The following TTN variants were observed in gnomAD, a reference collection of about 807,000 sequenced individuals.
TTN encodes titin, also known as connectin.
Under a neutral mutation model 3,223.0 loss-of-function variants are expected in TTN, and 1,525 were observed. The observed-to-expected ratio is 0.47, with a 90% confidence interval of 0.45 to 0.49. The LOEUF (loss-of-function observed/expected upper bound fraction) is 0.49. Ranked by LOEUF, TTN falls within the 20% of genes least tolerant of loss-of-function variation. The pLI is 0.00. For missense variants in TTN, 40,786 were observed against 43,424.0 expected (o/e 0.94, Z 5.40); for synonymous variants, 14,094 against 15,161.0 (o/e 0.93, Z 5.17).
At chr2:178,556,455 C>CAAACAAAA (rs1701512145) in intron 330 of TTN, 1 of 182,760 alleles carries the variant, frequency 5.5e-6, no homozygotes, top group African/African-American at 2.5e-5. Flanking sequence ...AACAAACAAA[C>CAAACAAAA]AAAAAAAAAA....
Position 178,770,498 on chromosome 2 carries a change from C to A in TTN, c.8294G>T (p.Arg2765Met). Residue 2765 changes from arginine to methionine, a missense_variant, in exon 35 of 363, where the codon AGG (arginine) becomes ATG (methionine). By Grantham distance (91) the Arg-to-Met change is moderately conservative. Transcript: ENST00000589042. Reference protein sequence around the residue: ...ISVKGTIYSLRIKNCAIVDES... With the variant: ...ISVKGTIYSLMIKNCAIVDES... Reference sequence around the variant, plus strand: ...ATCCACGATGGCACAGTTTTTAATCCTCAGAGAGTAAATTGTTCCTTTGAC... The same window carrying A: ...ATCCACGATGGCACAGTTTTTAATCATCAGAGAGTAAATTGTTCCTTTGAC... 6.2e-7 allele frequency: 1 copy of A among 1,614,028 alleles called. No homozygotes were observed. Among genetic ancestry groups the A allele is most frequent in the East Asian group, 2.2e-5 (1 of 44,884 alleles).
Position 178,609,255 on chromosome 2 carries a change from T to G in TTN, c.52055A>C (p.Glu17352Ala), listed in dbSNP as rs1187111699. The part of the protein sequence containing the change: ...PDHGLYMIKV[E>A]NDHGIAKAPC... ...AGCTTTTGCAATACCGTGGTCATTT[T>G]CAACTTTGATCATATACAGACCATG... Residue 17352 changes from glutamate (E) to alanine (A), a missense_variant, in exon 273 of 363, where the codon GAA (glutamate) becomes GCA (alanine). Coordinates refer to ENST00000589042, the MANE Select transcript of TTN (RefSeq NM_001267550.2). 2.6e-6 allele frequency: 4 copies of G among 1,537,170 alleles called. No homozygotes were observed. Among genetic ancestry groups the G allele is most frequent in the Non-Finnish European group, 3.5e-6 (4 of 1,146,460 alleles).
Position 178,573,184 on chromosome 2 carries a change from C to T in TTN, c.72948G>A (p.Lys24316=), listed in dbSNP as rs369000566. The T allele has an allele frequency of 1.3e-5, 21 of 1,610,446 alleles. No individual in the cohort carries two copies. Among genetic ancestry groups the T allele is most frequent in the Non-Finnish European group, 1.8e-5 (21 of 1,177,950 alleles). Residue 24316 remains lysine (K), a synonymous_variant, in exon 326 of 363, where the codon AAG becomes AAA. Coordinates refer to ENST00000589042, the MANE Select transcript of TTN (RefSeq NM_001267550.2). ...SAPSPTSPFY[K]ACDTVFKPGP... is the part of the protein sequence containing the mutation. ...CAGGTTTAAACACAGTGTCACAAGC[C>T]TTGTAAAATGGACTGGTAGGACTTG... is the stretch of plus-strand genomic sequence containing the variant.
chr2:178,679,096 A>G (rs1453004910), intron 142 of TTN, among the ~76,000 whole-genome samples: 1 of 152,056 alleles, frequency 6.6e-6, no homozygotes, highest in Non-Finnish European at 1.5e-5. Flanking sequence ...TGCAAAAGGA[A>G]TGTATTTTAC....
At chr2:178,593,114 A>C in intron 299 of TTN, 31 bp from the exon 300 acceptor site, 1 of 1,610,994 alleles carries the variant, frequency 6.2e-7, no homozygotes, top group Middle Eastern at 1.7e-4. Context: ...ACGAATTAGC[A>C]TATAGCTGAA....
intron 47 of TTN, chr2:178,745,115 G>A (rs1246639939): frequency 1.0e-6 from 1 of 988,942 alleles, no homozygotes; most frequent in Non-Finnish European, 1.2e-6. Context: ...ACATGAGTTT[G>A]GATGCAAAGG....
At chr2:178,630,392 T>A in intron 238 of TTN, 25 bp from the exon 239 acceptor site, 1 of 1,575,946 alleles carries the variant, frequency 6.3e-7, no homozygotes, top group East Asian at 2.3e-5. Context: ...CAGAAAAACT[T>A]TCATAGAAAA....
At chr2:178,653,211 C>T (rs965911149) in intron 198 of TTN, 27 bp downstream of exon 198, 17 of 1,611,328 alleles carry the variant, frequency 1.1e-5, no homozygotes, top group Admixed American at 8.4e-5. Flanking sequence ...ATTAGATCAT[C>T]TGAAGCCTAA....
rs945747944 is a variant in TTN, at chr2:178,532,088, G to A, written c.104527C>T (p.Leu34843=). The change falls in exon 358 of 363, where the codon CTG becomes TTG. Residue 34843 remains leucine (L), a synonymous_variant. Transcript: ENST00000589042. Reference sequence around the variant, plus strand: ...ATTAACTCAATATAAGTTGGAGACAGGGAGCGCCGTCGTCTCAGTAGTCTA... The same window carrying A: ...ATTAACTCAATATAAGTTGGAGACAAGGAGCGCCGTCGTCTCAGTAGTCTA... ...ASRLLRRRRS[L]SPTYIELMRP... 7.4e-6 allele frequency: 12 copies of A among 1,613,818 alleles called. No homozygotes were observed. Among genetic ancestry groups the A allele is most frequent in the Non-Finnish European group, 9.3e-6 (11 of 1,179,870 alleles).
intron 49 of TTN, among the ~76,000 whole-genome samples, chr2:178,737,752 A>T (rs1231519317): frequency 1.3e-5 from 2 of 152,118 alleles, no homozygotes; most frequent in Admixed American, 1.3e-4. Flanking sequence ...TTGATTTAAA[A>T]TTTTTAAATA....
At position 178,642,240 on chromosome 2, in the gene TTN, T is replaced by C; in HGVS notation, c.40555A>G (p.Ser13519Gly). Reference sequence around the variant, plus strand: ...GAATGGTTGAAAAATACTATACCGCTTTTCAGAACAACTTCTTCCTTTGGT... The same window carrying C: ...GAATGGTTGAAAAATACTATACCGCCTTTCAGAACAACTTCTTCCTTTGGT... ...PEPKEEVVLK[S>G]VLRKRPEEEE... Residue 13519 changes from serine (S) to glycine (G), a missense_variant, in exon 219 of 363, where the codon AGC (serine) becomes GGC (glycine). Coordinates refer to ENST00000589042, the MANE Select transcript of TTN (RefSeq NM_001267550.2). 1 of 1,583,590 alleles carries C rather than the reference T, an allele frequency of 6.3e-7. No individual in the cohort carries two copies. Among genetic ancestry groups the C allele is most frequent in the Non-Finnish European group, 8.6e-7 (1 of 1,163,396 alleles).
At position 178,718,411 on chromosome 2, in the gene TTN, T is replaced by C; in HGVS notation, c.24695A>G (p.Glu8232Gly). The change falls in exon 85 of 363, where the codon GAG (glutamate) becomes GGG (glycine). Residue 8232 changes from glutamate (E) to glycine (G), a missense_variant. By Grantham distance (98) the Glu-to-Gly change is moderately conservative. Coordinates refer to ENST00000589042, the MANE Select transcript of TTN (RefSeq NM_001267550.2). ...TEKSTILEIL[E>G]STIEDYAQYS... Reference sequence around the variant, plus strand: ...CTGTGCATAATCCTCTATTGTGCTCTCAAGAATTTCCAGTATGGTAGATTT... The same window carrying C: ...CTGTGCATAATCCTCTATTGTGCTCCCAAGAATTTCCAGTATGGTAGATTT... 4 of 1,613,834 alleles carry C rather than the reference T, an allele frequency of 2.5e-6. No homozygotes were observed. The highest frequency in any genetic ancestry group is 1.7e-4 in the Middle Eastern group (1 of 6,056).
At position 178,531,121 on chromosome 2, in the gene TTN, T is replaced by G; in HGVS notation, c.105494A>C (p.Lys35165Thr). The G allele has an allele frequency of 6.2e-7, 1 of 1,613,936 alleles. No individual in the cohort carries two copies. The highest frequency in any genetic ancestry group is 1.1e-5 in the South Asian group (1 of 91,072). Residue 35165 changes from lysine to threonine, a missense_variant, in exon 358 of 363, where the codon AAA (lysine) becomes ACA (threonine). Lys to Thr is a moderately conservative substitution (Grantham distance 78). Coordinates refer to ENST00000589042, the MANE Select transcript of TTN (RefSeq NM_001267550.2). ...EPVPTVTWLR[K>T]GQVLSTSARH... ...GGCAGAAGTACTTAGCACTTGTCCTTTACGCAGCCAGGTCACAGTTGGTAC... is the reference window on the plus strand; with the variant it reads ...GGCAGAAGTACTTAGCACTTGTCCTGTACGCAGCCAGGTCACAGTTGGTAC...
rs539154603 is a variant in TTN at position 178,740,014 on chromosome 2, C to T, written c.13219G>A (p.Val4407Met). Residue 4407 changes from valine to methionine, a missense_variant, in exon 48 of 363, where the codon GTG (valine) becomes ATG (methionine). Val to Met is a conservative substitution (Grantham distance 21, BLOSUM62 1). Coordinates refer to ENST00000589042, the MANE Select transcript of TTN (RefSeq NM_001267550.2). ...IQICRALQAA[V>M]ASEQPGLFSE... The stretch of plus-strand genomic sequence containing the variant: ...AAAAGACCTGGCTGCTCGCTGGCCA[C>T]GGCTGCTTGCAAAGCCCGGCAGATT... 1.5e-5 allele frequency: 25 copies of T among 1,613,878 alleles called. No individual in the cohort carries two copies. The highest frequency in any genetic ancestry group is 1.7e-4 in the Middle Eastern group (1 of 6,058).
intron 6 of TTN, among the ~76,000 whole-genome samples, chr2:178,796,198 T>C (rs1255760648): frequency 6.6e-6 from 1 of 151,518 alleles, no homozygotes; most frequent in Non-Finnish European, 1.5e-5. Flanking sequence ...CCAACTATTG[T>C]AAGGTAAAAT....
intron 131 of TTN, 66 bp downstream of exon 131, chr2:178,684,600 C>G: frequency 6.6e-7 from 1 of 1,518,372 alleles, no homozygotes; most frequent in Non-Finnish European, 9.0e-7. Context: ...ACCCAAAGAA[C>G]AGCAGCAGAG....
In TTN at chr2:178,620,717, T is replaced by C. The variant is rs886055274; in HGVS notation, c.45893A>G (p.Glu15298Gly). The change falls in exon 247 of 363, where the codon GAA becomes GGA. Residue 15298 changes from glutamate (E) to glycine (G), a missense_variant and splice_region_variant. Physicochemically the swap from Glu to Gly is moderately conservative, Grantham distance 98. Coordinates refer to ENST00000589042, the MANE Select transcript of TTN (RefSeq NM_001267550.2). ...NVKSAANLIV[E>G]EEDLRIVEPL... ...CTAGTGGTATATAAATTACTTACCT[T>C]CTACTATTAGATTGGCTGCACTTTT... 6 of 1,612,264 alleles carry C rather than the reference T, an allele frequency of 3.7e-6. No homozygotes were observed. The highest frequency in any genetic ancestry group is 4.2e-6 in the Non-Finnish European group (5 of 1,179,044).
Position 178,739,658 on chromosome 2 carries a change from T to C in TTN, c.13575A>G (p.Glu4525=). The C allele has an allele frequency of 1.2e-6, 2 of 1,613,926 alleles. No individual in the cohort carries two copies. The highest frequency in any genetic ancestry group is 1.7e-6 in the Non-Finnish European group (2 of 1,179,840). Residue 4525 remains glutamate, a synonymous_variant, in exon 48 of 363, where the codon GAA becomes GAG. Coordinates refer to ENST00000589042, the MANE Select transcript of TTN (RefSeq NM_001267550.2). ...CTTCAGTTGAGATCAGATATTTAGA[T>C]TCAACTTCTGGTTCAGTAATGGGTT... is the stretch of plus-strand genomic sequence containing the variant. The part of the protein sequence containing the change: ...KVEPITEPEV[E]SKYLISTEEV...
chr2:178,806,074 C>T (rs1259220464), intron 1 of TTN, among the ~76,000 whole-genome samples: 2 of 152,144 alleles, frequency 1.3e-5, no homozygotes, highest in East Asian at 3.8e-4. Context: ...GAGCAATAAT[C>T]TTCTTAGTGA....
Sources: allele counts gnomAD v4.1 joint callset (sites outside exome capture counted in the v4.1 genomes callset), GRCh38; gene constraint gnomAD v4.1.1; transcripts MANE v1.5; gene names NCBI Gene and HGNC (gene_info 2026-07-23, HGNC 2026-07-21).